CNOT2: variants seen among roughly 807,000 people sequenced by gnomAD.
The protein encoded by CNOT2 is CCR4-NOT transcription complex subunit 2, also known as CC chemokine receptor 4-negative regulator of transcription 2.
Under a neutral mutation model 72.1 loss-of-function variants are expected in CNOT2, and 7 were observed. The observed-to-expected ratio is 0.10, with a 90% CI of 0.06 to 0.18. The LOEUF is 0.18. Ranked by LOEUF, CNOT2 falls within the 10% of genes least tolerant of loss-of-function variation. The probability of loss-of-function intolerance (pLI) is 1.00; values close to 1 mark genes in which losing one functional copy is unlikely to be tolerated. For missense variants in CNOT2, 345 were observed against 660.3 expected, an observed-to-expected ratio of 0.52 and a Z score of 5.23; for synonymous variants, 196 against 225.6, an observed-to-expected ratio of 0.87 and a Z score of 1.17.
intron 2 of CNOT2, among the ~76,000 whole-genome samples, chr12:70,299,064 A>G (rs904366551): frequency 2.0e-5 from 3 of 152,092 alleles, no homozygotes; most frequent in African/African-American, 4.8e-5. Context: ...TTATAAGGGA[A>G]AGAGGTTTAA....
chr12:70,346,387 A>T, intron 15 of CNOT2, 63 bp downstream of exon 15: 4 of 1,381,096 alleles, frequency 2.9e-6, no homozygotes, highest in Non-Finnish European at 4.1e-6. Context: ...GTCCTCTTTT[A>T]TCTGTTTATA....
At chr12:70,327,355 GA>G (rs560485591) in intron 4 of CNOT2, among the ~76,000 whole-genome samples, 1 of 151,868 alleles carries the variant, frequency 6.6e-6, no homozygotes, top group Non-Finnish European at 1.5e-5. Flanking sequence ...AAAGCAGGGG[GA>G]AAATACATTA....
intron 2 of CNOT2, among the ~76,000 whole-genome samples, chr12:70,284,319 A>G (rs1186349822): frequency 2.0e-5 from 3 of 151,398 alleles, no homozygotes; most frequent in Non-Finnish European, 4.4e-5. Flanking sequence ...ATCTCCGCTC[A>G]CTGCAACCTC....
intron 1 of CNOT2, among the ~76,000 whole-genome samples, chr12:70,250,110 T>C (rs1958067026): frequency 6.6e-6 from 1 of 152,150 alleles, no homozygotes; most frequent in Non-Finnish European, 1.5e-5. Flanking sequence ...CTTGTGTGTG[T>C]ATATGACTCA....
chr12:70,316,656 T>C (rs923330061), intron 3 of CNOT2, among the ~76,000 whole-genome samples: 1 of 152,210 alleles, frequency 6.6e-6, no homozygotes, highest in Non-Finnish European at 1.5e-5. Context: ...AAGCTGTGTT[T>C]ACTAACCACC....
chr12:70,284,695 G>A (rs966141496), intron 2 of CNOT2, among the ~76,000 whole-genome samples: 3 of 150,042 alleles, frequency 2.0e-5, no homozygotes, highest in African/African-American at 4.9e-5. Flanking sequence ...GCTCATTGCC[G>A]TGTGATGCTA....
chr12:70,291,464 G>A (rs1007495944), intron 2 of CNOT2, among the ~76,000 whole-genome samples: 5 of 152,154 alleles, frequency 3.3e-5, no homozygotes, highest in African/African-American at 1.2e-4. Flanking sequence ...GTGCTTGGTA[G>A]AGTGAAGAGC....
At chr12:70,277,276 T>C (rs1339509568) in intron 1 of CNOT2, among the ~76,000 whole-genome samples, 1 of 152,176 alleles carries the variant, frequency 6.6e-6, no homozygotes, top group Non-Finnish European at 1.5e-5. Context: ...AGACCCACCT[T>C]TGAATATTTG....
At chr12:70,267,616 A>G (rs1212750610) in intron 1 of CNOT2, among the ~76,000 whole-genome samples, 1 of 152,226 alleles carries the variant, frequency 6.6e-6, no homozygotes, top group Non-Finnish European at 1.5e-5. Flanking sequence ...CTTCAAGTGG[A>G]ATGTGGAAAC....
chr12:70,272,760 C>T (rs1291275142), intron 1 of CNOT2, among the ~76,000 whole-genome samples: 1 of 152,124 alleles, frequency 6.6e-6, no homozygotes, highest in East Asian at 1.9e-4. Flanking sequence ...CTTCACTCTC[C>T]CTTTCTTAGA....
In CNOT2 at chr12:70,353,913, TAAA is replaced by T. The variant is rs35192504; in HGVS notation, c.*21_*23del. 10,317 of 1,259,794 alleles carry T rather than the reference TAAA, an allele frequency of 8.2e-3. No individual in the cohort carries two copies. The highest frequency in any genetic ancestry group is 0.04 in the East Asian group (1,259 of 31,474). 78.0% of individuals were successfully genotyped at this position (1,259,794 alleles called of 1,614,324 possible). A position where few individuals can be genotyped will look rare whatever the true frequency, so the allele number is the denominator to read the frequency against. On this transcript the variant is annotated stop_retained_variant and 3_prime_UTR_variant, in exon 16 of 16. Coordinates refer to ENST00000229195, the MANE Select transcript of CNOT2 (RefSeq NM_014515.7). ...CTACAACCCTGCTCAGCAAGCCTTC[TAAA>T]AAAAAAAAAAAAAAAAAAAAAAGAC...
chr12:70,308,247 A>T (rs1875785212), intron 2 of CNOT2, among the ~76,000 whole-genome samples: 1 of 152,146 alleles, frequency 6.6e-6, no homozygotes, highest in South Asian at 2.1e-4. Context: ...AGAATAAAGG[A>T]CGGGCACTTT....
chr12:70,288,136 CTTTTTTTTTT>C lies in CNOT2; in HGVS notation c.48+9877_48+9886del, dbSNP rs68143994. ...GGGTTATTACAATTATGGTGTAGCT[CTTTTTTTTTT>C]TTTTTTTTTTTTTTGAAACGGAGTT... is the stretch of plus-strand genomic sequence containing the variant. On this transcript the variant is annotated intron_variant, in intron 2 of 15. Transcript: ENST00000229195. Among the ~76,000 whole-genome samples, 380 of 86,724 alleles carry C rather than the reference CTTTTTTTTTT, an allele frequency of 4.4e-3. 6 individuals are homozygous for C. The highest frequency in any genetic ancestry group is 0.015 in the African/African-American group (353 of 23,452). The allele number at this position is 86,724 out of a possible 152,430, so 56.9% of individuals were successfully genotyped here.
chr12:70,338,435 C>G lies in CNOT2; in HGVS notation c.901-8C>G. On this transcript the variant is annotated splice_region_variant and splice_polypyrimidine_tract_variant and intron_variant, in intron 9 of 15. Coordinates refer to ENST00000229195, the MANE Select transcript of CNOT2 (RefSeq NM_014515.7). ...TTTTAATGTCACATTTAATTTTTTT[C>G]ATGCTAGAATTTGAATACATCTGGC... The G allele has an allele frequency of 6.3e-7, 1 of 1,587,260 alleles. No homozygotes were observed. Among genetic ancestry groups the G allele is most frequent in the East Asian group, 2.2e-5 (1 of 44,656 alleles).
intron 2 of CNOT2, among the ~76,000 whole-genome samples, chr12:70,304,606 C>T (rs1423636440): frequency 6.6e-6 from 1 of 152,096 alleles, no homozygotes; most frequent in Non-Finnish European, 1.5e-5. Context: ...GTCAGTCCGC[C>T]CCTACTGGGG....
chr12:70,335,861 T>G, intron 8 of CNOT2: 5 of 203,210 alleles, frequency 2.5e-5, no homozygotes, highest in Non-Finnish European at 5.0e-5. Context: ...TTAAGTGTTT[T>G]ATTTTGTGGT....
At chr12:70,332,414 AAC>A (rs1880092450) in intron 6 of CNOT2, 1 of 165,400 alleles carries the variant, frequency 6.0e-6, no homozygotes, top group South Asian at 1.9e-4. Flanking sequence ...GAATAATCTT[AAC>A]ACTAACCTGC....
chr12:70,277,289 C>G (rs1167926194), intron 1 of CNOT2, among the ~76,000 whole-genome samples: 1 of 152,022 alleles, frequency 6.6e-6, no homozygotes, highest in East Asian at 1.9e-4. Flanking sequence ...AATATTTGAA[C>G]TCTCATTTTC....
In CNOT2 at chr12:70,243,439, T is replaced by C. The variant is rs113642891; in HGVS notation, c.-137T>C. The C allele has an allele frequency of 0.018, 2,712 of 152,572 alleles. 45 individuals carry two copies. Among genetic ancestry groups the C allele is most frequent in the Non-Finnish European group, 0.027 (1,864 of 67,986 alleles). The allele number at this position is 152,572 out of a possible 1,614,324, so 9.5% of individuals were successfully genotyped here. A position where few individuals can be genotyped will look rare whatever the true frequency, so the allele number is the denominator to read the frequency against. ...TGCTCCCAGCAGCCTCCGCGGTGGA[T>C]ACGTCGCCATCTTGGATCCGCGGGA... On this transcript the variant is annotated 5_prime_UTR_variant, in exon 1 of 16. Coordinates refer to ENST00000229195, the MANE Select transcript of CNOT2 (RefSeq NM_014515.7).
Sources: allele counts gnomAD v4.1 joint callset (sites outside exome capture counted in the v4.1 genomes callset), GRCh38; gene constraint gnomAD v4.1.1; transcripts MANE v1.5; gene names NCBI Gene and HGNC (gene_info 2026-07-23, HGNC 2026-07-21).